The following GABRR2 variants were observed in gnomAD, a reference collection of about 807,000 sequenced individuals.
GABRR2 encodes the protein gamma-aminobutyric acid receptor subunit rho-2.
GABRR2 carries 36 observed loss-of-function variants against 47.0 expected under a neutral mutation model. The observed-to-expected ratio is 0.77, with a 90% CI of 0.59 to 1.01. The LOEUF (loss-of-function observed/expected upper bound fraction) is 1.01. GABRR2 is among the 50% of genes least tolerant of loss of function. GABRR2 has a pLI of 0.00. For missense variants in GABRR2, 587 were observed against 594.6 expected (o/e 0.99, Z 0.13); for synonymous variants, 204 against 227.5 (o/e 0.90, Z 0.93).
chr6:89,305,772 G>A (rs1582465603), intron 1 of GABRR2, among the ~76,000 whole-genome samples: 1 of 152,136 alleles, frequency 6.6e-6, no homozygotes, highest in Non-Finnish European at 1.5e-5. Flanking sequence ...ACAAAGAGGG[G>A]AACAAAAGAC....
rs374613520 is a variant in GABRR2, at chr6:89,295,291, C to T, written c.220+4468G>A. Among the ~76,000 whole-genome samples, 73 of 152,350 alleles carry T rather than the reference C, an allele frequency of 4.8e-4. No individual in the cohort carries two copies. In the East Asian group the frequency reaches 7.9e-3, roughly 17 times the overall value. The stretch of plus-strand genomic sequence containing the variant: ...AAGTGTTCCTATTTCTCCACATCCT[C>T]TCCAGCACCTGTTGTTTCCTGACTT... On this transcript the variant is annotated intron_variant, in intron 2 of 8. Transcript: ENST00000402938.
chr6:89,277,266 T>A (rs552067799), intron 2 of GABRR2, among the ~76,000 whole-genome samples: 41 of 152,322 alleles, frequency 2.7e-4, no homozygotes, highest in African/African-American at 9.6e-4. Flanking sequence ...GTGAAGAAGG[T>A]GCCTTGCTTC....
chr6:89,272,633 G>A (rs1449604243), intron 2 of GABRR2, among the ~76,000 whole-genome samples: 1 of 152,250 alleles, frequency 6.6e-6, no homozygotes, highest in Non-Finnish European at 1.5e-5. Context: ...CAGCTGGGCT[G>A]GGCCTCAGCG....
At position 89,286,880 on chromosome 6, in the gene GABRR2, C is replaced by G. The variant is rs1437828795; in HGVS notation, c.220+12879G>C. On this transcript the variant is annotated intron_variant, in intron 2 of 8. Coordinates refer to ENST00000402938, the MANE Select transcript of GABRR2 (RefSeq NM_002043.5). ...GAAGGGTCAGAGGTGTCCCCTCCTTCAAGGGTAGAAGCCCCTGGGAAGAAG... is the reference window on the plus strand; with the variant it reads ...GAAGGGTCAGAGGTGTCCCCTCCTTGAAGGGTAGAAGCCCCTGGGAAGAAG... Among the ~76,000 whole-genome samples the G allele has an allele frequency of 2.0e-5, 3 of 152,128 alleles. No individual in the cohort carries two copies. In the East Asian group the frequency reaches 5.8e-4, roughly 29 times the overall value.
intron 2 of GABRR2, among the ~76,000 whole-genome samples, chr6:89,291,368 G>C (rs953529465): frequency 6.6e-6 from 1 of 152,114 alleles, no homozygotes; most frequent in Non-Finnish European, 1.5e-5. Flanking sequence ...CCTTAGCTTA[G>C]GCTGTGCTGC....
At chr6:89,311,985 C>T (rs1447249439) in intron 1 of GABRR2, among the ~76,000 whole-genome samples, 1 of 152,170 alleles carries the variant, frequency 6.6e-6, no homozygotes, top group African/African-American at 2.4e-5. Flanking sequence ...GCTCCTGCCT[C>T]CAGCGGAACA....
chr6:89,307,489 G>T (rs1279032545), intron 1 of GABRR2, among the ~76,000 whole-genome samples: 1 of 152,170 alleles, frequency 6.6e-6, no homozygotes. Flanking sequence ...TTGGGATGGA[G>T]GTCTCAGCAC....
At chr6:89,293,308 G>C (rs1774501746) in intron 2 of GABRR2, among the ~76,000 whole-genome samples, 1 of 152,138 alleles carries the variant, frequency 6.6e-6, no homozygotes, top group South Asian at 2.1e-4. Context: ...CAGAGAAATA[G>C]GGAATTCTTG....
intron 2 of GABRR2, among the ~76,000 whole-genome samples, chr6:89,292,709 ATATATCAGATATATAT>A: frequency 7.7e-6 from 1 of 130,656 alleles, no homozygotes; most frequent in African/African-American, 2.5e-5. Context: ...TATCTCTGAT[ATATATCAGATATATAT>A]CGTATATATC....
At chr6:89,273,959 T>G (rs1774110616) in intron 2 of GABRR2, among the ~76,000 whole-genome samples, 1 of 152,220 alleles carries the variant, frequency 6.6e-6, no homozygotes, top group Non-Finnish European at 1.5e-5. Flanking sequence ...AATACAGCGA[T>G]GGCCCTCTTG....
chr6:89,309,669 T>C (rs1177720020), intron 1 of GABRR2, among the ~76,000 whole-genome samples: 1 of 152,186 alleles, frequency 6.6e-6, no homozygotes, highest in East Asian at 1.9e-4. Context: ...CCCCTAAACA[T>C]GCATGGCCTC....
At chr6:89,305,739 C>G (rs1025150522) in intron 1 of GABRR2, among the ~76,000 whole-genome samples, 2 of 152,042 alleles carry the variant, frequency 1.3e-5, no homozygotes, top group African/African-American at 4.8e-5. Flanking sequence ...TGAGTGGGAG[C>G]TAAGTGATGA....
intron 2 of GABRR2, among the ~76,000 whole-genome samples, chr6:89,277,834 G>A (rs1774190440): frequency 8.2e-6 from 1 of 122,012 alleles, no homozygotes; most frequent in African/African-American, 3.1e-5. Context: ...TGGGGCAACA[G>A]GAACTCTCAT....
In GABRR2 at chr6:89,257,963, T is replaced by C; in HGVS notation, c.1105A>G (p.Met369Val). The change falls in exon 9 of 9, where the codon ATG becomes GTG. Residue 369 changes from methionine (M) to valine (V), a missense_variant. Physicochemically the swap from Met to Val is conservative, Grantham distance 21. Transcript: ENST00000402938. ...AGCATCATGGTTTTTGAATGAAGCA[T>C]TCCACACATGCACGGGAACTATGGG... ...LREKFPCMCGMLHSKTMMLDG... is the reference protein window; with the variant it reads ...LREKFPCMCGVLHSKTMMLDG... 2 of 1,613,690 alleles carry C rather than the reference T, an allele frequency of 1.2e-6. No homozygotes were observed. Among genetic ancestry groups the C allele is most frequent in the Non-Finnish European group, 1.7e-6 (2 of 1,179,730 alleles).
At chr6:89,273,070 G>C (rs1391770292) in intron 2 of GABRR2, among the ~76,000 whole-genome samples, 2 of 152,104 alleles carry the variant, frequency 1.3e-5, no homozygotes, top group Non-Finnish European at 2.9e-5. Context: ...GGTGAGGTTG[G>C]GTGACTATTT....
chr6:89,269,213 G>C lies in GABRR2; in HGVS notation c.310C>G (p.Leu104Val), dbSNP rs776431412. 6.2e-7 allele frequency: 1 copy of C among 1,614,028 alleles called. No homozygotes were observed. The part of the protein sequence containing the change: ...VDMDFTMTLY[L>V]RHYWKDERLA... ...CTCTCATCCTTCCAGTAATGCCGCAGGTACAGGGTCATAGTGAAGTCCTGT... is the reference window on the plus strand; with the variant it reads ...CTCTCATCCTTCCAGTAATGCCGCACGTACAGGGTCATAGTGAAGTCCTGT... Residue 104 changes from leucine (L) to valine (V), a missense_variant, in exon 4 of 9, where the codon CTG (leucine) becomes GTG (valine). Transcript: ENST00000402938.
At position 89,299,810 on chromosome 6, in the gene GABRR2, G is replaced by A. The variant is rs763142024; in HGVS notation, c.169C>T (p.Gln57Ter). Residue 57 changes from glutamine to a stop codon, truncating the protein, a stop_gained, in exon 2 of 9, where the codon CAG becomes TAG. Coordinates refer to ENST00000402938, the MANE Select transcript of GABRR2 (RefSeq NM_002043.5). LOFTEE classifies it high-confidence loss of function. ...VTKIRKGKPQ[Q>*]LLRVDEHDFS... is the part of the protein sequence containing the mutation. ...TCGTGCTCGTCCACTCTGAGAAGCTGCTGAGGCTTTCCCTTCCGGATCTTG... is the reference window on the plus strand; with the variant it reads ...TCGTGCTCGTCCACTCTGAGAAGCTACTGAGGCTTTCCCTTCCGGATCTTG... 1.2e-6 allele frequency: 2 copies of A among 1,613,966 alleles called. No homozygotes were observed. The highest frequency in any genetic ancestry group is 3.3e-5 in the Admixed American group (2 of 60,024).
chr6:89,267,485 TGA>T (rs1396590705), intron 6 of GABRR2, among the ~76,000 whole-genome samples, 192 bp downstream of exon 6: 1 of 152,222 alleles, frequency 6.6e-6, no homozygotes, highest in Admixed American at 6.5e-5. Context: ...GAGGATCACC[TGA>T]GCCTGGGAGG....
intron 2 of GABRR2, among the ~76,000 whole-genome samples, chr6:89,291,827 G>A (rs12191367): frequency 0.054 from 8,190 of 152,234 alleles, 309 homozygotes; most frequent in Non-Finnish European, 0.076. Context: ...AATTTAATGT[G>A]AAAAGAGTTC....
Sources: allele counts gnomAD v4.1 joint callset (sites outside exome capture counted in the v4.1 genomes callset), GRCh38; gene constraint gnomAD v4.1.1; transcripts MANE v1.5; gene names NCBI Gene and HGNC (gene_info 2026-07-23, HGNC 2026-07-21).